The following ICE2 variants were observed in gnomAD, a reference collection of about 807,000 sequenced individuals.
The protein encoded by ICE2 is little elongation complex subunit 2.
A neutral mutation model predicts 105.4 loss-of-function variants in ICE2; 87 were observed. The observed-to-expected ratio is 0.83, with a 90% CI of 0.69 to 0.99. ICE2 has a LOEUF of 0.99. ICE2 is among the 50% of genes least tolerant of loss of function. The pLI is 0.00. For synonymous variants in ICE2, 399 were observed against 392.0 expected (o/e 1.02, Z -0.21); for missense variants, 1,323 against 1,146.7 (o/e 1.15, Z -2.22).
intron 15 of ICE2, among the ~76,000 whole-genome samples, chr15:60,425,883 G>C (rs760028468): frequency 9.9e-5 from 15 of 152,140 alleles, no homozygotes; most frequent in Non-Finnish European, 2.1e-4. Context: ...GAAGAAGATG[G>C]GGTAATTCCT....
At chr15:60,446,123 A>G (rs1595771393) in intron 11 of ICE2, among the ~76,000 whole-genome samples, 1 of 152,256 alleles carries the variant, frequency 6.6e-6, no homozygotes, top group African/African-American at 2.4e-5. Context: ...AAAACCAAAC[A>G]GTTTTCAATT....
chr15:60,456,636 T>A, intron 6 of ICE2, 21 bp downstream of exon 6: 2 of 1,500,646 alleles, frequency 1.3e-6, no homozygotes, highest in Non-Finnish European at 1.8e-6. Flanking sequence ...AAAGCTTATA[T>A]CGTCTGATAA....
At position 60,476,108 on chromosome 15, in the gene ICE2, T is replaced by G; in HGVS notation, c.101A>C (p.His34Pro). 6.2e-7 allele frequency: 1 copy of G among 1,609,544 alleles called. No individual in the cohort carries two copies. The highest frequency in any genetic ancestry group is 8.5e-7 in the Non-Finnish European group (1 of 1,178,274). Reference sequence around the variant, plus strand: ...TTCTTTTAAACTTGGAGCCATGGAATGATCTTTATAATTTTCTCGAGAGAA... The same window carrying G: ...TTCTTTTAAACTTGGAGCCATGGAAGGATCTTTATAATTTTCTCGAGAGAA... ...TFFSRENYKD[H>P]SMAPSLKELR... Residue 34 changes from histidine (H) to proline (P), a missense_variant, in exon 3 of 16, where the codon CAT (histidine) becomes CCT (proline). Physicochemically the swap from His to Pro is moderately conservative, Grantham distance 77 (BLOSUM62 -2). Transcript: ENST00000261520.
chr15:60,460,555 C>A (rs930714917), intron 5 of ICE2, among the ~76,000 whole-genome samples: 2 of 152,112 alleles, frequency 1.3e-5, no homozygotes, highest in African/African-American at 4.8e-5. Flanking sequence ...GAAAAAATAC[C>A]CTTCTCAACC....
In ICE2 at chr15:60,449,014, C is replaced by T. The variant is rs754292977; in HGVS notation, c.1953G>A (p.Met651Ile). 11 of 1,613,628 alleles carry T rather than the reference C, an allele frequency of 6.8e-6. No homozygotes were observed. The highest frequency in any genetic ancestry group is 8.5e-6 in the Non-Finnish European group (10 of 1,179,950). Residue 651 changes from methionine to isoleucine, a missense_variant, in exon 10 of 16, where the codon ATG becomes ATA. Coordinates refer to ENST00000261520, the MANE Select transcript of ICE2 (RefSeq NM_024611.6). Reference sequence around the variant, plus strand: ...AAATTGGCTTTAAGAGCTCATCCTGCATTTTTAAAATCTCTCCAACTGGAT... The same window carrying T: ...AAATTGGCTTTAAGAGCTCATCCTGTATTTTTAAAATCTCTCCAACTGGAT... ...KFDPVGEILK[M>I]QDELLKPISR... is the part of the protein sequence containing the mutation.
chr15:60,448,965 A>T lies in ICE2; in HGVS notation c.2002T>A (p.Leu668Ile). The T allele has an allele frequency of 6.2e-7, 1 of 1,614,116 alleles. No individual in the cohort carries two copies. The highest frequency in any genetic ancestry group is 8.5e-7 in the Non-Finnish European group (1 of 1,179,980). Residue 668 changes from leucine to isoleucine, a missense_variant, in exon 10 of 16, where the codon TTA becomes ATA. Leu to Ile is a conservative substitution (Grantham distance 5, BLOSUM62 2). Transcript: ENST00000261520. Reference protein sequence around the residue: ...PISRKVPELPLMNLENSKQPS... With the variant: ...PISRKVPELPIMNLENSKQPS... ...TGTTTAGAATTTTCTAAATTCATTA[A>T]GGGCAATTCTGGTACTTTTCTGGAA...
At chr15:60,451,219 G>T in intron 9 of ICE2, 1 of 597,934 alleles carries the variant, frequency 1.7e-6, no homozygotes, top group Non-Finnish European at 2.1e-6. Flanking sequence ...CAGAAAGTAT[G>T]AATAATAATA....
At chr15:60,437,484 A>C (rs903705176) in intron 12 of ICE2, among the ~76,000 whole-genome samples, 4 of 151,056 alleles carry the variant, frequency 2.6e-5, no homozygotes, top group Non-Finnish European at 5.9e-5. Context: ...GGTGCCCACC[A>C]CCAGGCCTGG....
At chr15:60,435,693 T>C (rs1191104021) in intron 13 of ICE2, among the ~76,000 whole-genome samples, 1 of 151,402 alleles carries the variant, frequency 6.6e-6, no homozygotes, top group African/African-American at 2.4e-5. Flanking sequence ...TACATACTGC[T>C]GGCCAGGCAT....
intron 12 of ICE2, 111 bp downstream of exon 12, chr15:60,442,305 A>G: frequency 9.9e-7 from 1 of 1,005,824 alleles, no homozygotes; most frequent in Non-Finnish European, 1.5e-6. Context: ...ATAAATACAT[A>G]AATAAAAACG....
rs2063733733 is a variant in ICE2 at position 60,442,195 on chromosome 15, C to T, written c.2425+221G>A. 5 of 395,388 alleles carry T rather than the reference C, an allele frequency of 1.3e-5. No homozygotes were observed. The South Asian group carries it at 1.9e-4, about 15-fold the overall frequency. 24.5% of individuals were successfully genotyped at this position (395,388 alleles called of 1,614,324 possible). A position where few individuals can be genotyped will look rare whatever the true frequency, so the allele number is the denominator to read the frequency against. The stretch of plus-strand genomic sequence containing the variant: ...GCAGCCCCAGCTACTTGGAAGGCTG[C>T]AGTGGGAGGATCACTTGAGGCCAGG... On this transcript the variant is annotated intron_variant, in intron 12 of 15. Coordinates refer to ENST00000261520, the MANE Select transcript of ICE2 (RefSeq NM_024611.6).
chr15:60,433,253 A>C (rs1440300610), intron 13 of ICE2, among the ~76,000 whole-genome samples: 1 of 151,610 alleles, frequency 6.6e-6, no homozygotes, highest in Non-Finnish European at 1.5e-5. Context: ...ACGCCCGGCT[A>C]AGTTTTTGTA....
At chr15:60,478,136 G>A in intron 1 of ICE2, 67 bp from the exon 2 acceptor site, 2 of 662,014 alleles carry the variant, frequency 3.0e-6, no homozygotes, top group African/African-American at 3.6e-5. Context: ...ATTAGGTGAG[G>A]AAGAATCTCT....
intron 5 of ICE2, among the ~76,000 whole-genome samples, chr15:60,457,567 C>G (rs1160256163): frequency 1.3e-5 from 2 of 152,066 alleles, no homozygotes; most frequent in Non-Finnish European, 2.9e-5. Context: ...TTATCTTTAT[C>G]CTATATATCT....
chr15:60,463,394 A>T (rs909934151), intron 5 of ICE2, among the ~76,000 whole-genome samples: 3 of 152,344 alleles, frequency 2.0e-5, no homozygotes, highest in African/African-American at 7.2e-5. Context: ...AATGAACTAC[A>T]ACTCATACAA....
At chr15:60,447,156 G>T (rs555125317) in intron 11 of ICE2, among the ~76,000 whole-genome samples, 2 of 152,178 alleles carry the variant, frequency 1.3e-5, no homozygotes, top group Admixed American at 1.3e-4. Context: ...GGGGAAAAAA[G>T]AAAGGAAGAG....
intron 14 of ICE2, among the ~76,000 whole-genome samples, chr15:60,429,115 T>G (rs952253925): frequency 1.6e-4 from 24 of 152,198 alleles, no homozygotes; most frequent in African/African-American, 5.8e-4. Flanking sequence ...GGTGATATGT[T>G]TGCTACACTG....
intron 15 of ICE2, among the ~76,000 whole-genome samples, chr15:60,428,078 T>C (rs959940181): frequency 6.6e-6 from 1 of 152,182 alleles, no homozygotes; most frequent in Non-Finnish European, 1.5e-5. Flanking sequence ...AAATACTTAA[T>C]GAAATGAAAC....
At chr15:60,465,049 C>A (rs2064383816) in intron 5 of ICE2, among the ~76,000 whole-genome samples, 1 of 152,174 alleles carries the variant, frequency 6.6e-6, no homozygotes. Flanking sequence ...AGAACAGCTG[C>A]CAGCTCCTTT....
Sources: gnomAD v4.1 joint callset for allele counts (sites outside exome capture counted in the v4.1 genomes callset) on GRCh38, gnomAD v4.1.1 for gene constraint, MANE v1.5 for transcripts, NCBI Gene and HGNC (gene_info 2026-07-23, HGNC 2026-07-21) for gene names.